NACC2: variants seen among roughly 807,000 people sequenced by gnomAD.
NACC2 encodes the protein nucleus accumbens-associated protein 2.
A neutral mutation model predicts 25.1 loss-of-function variants in NACC2; 8 were observed. That is an observed-to-expected ratio of 0.32 (90% CI 0.19 to 0.57). The LOEUF (loss-of-function observed/expected upper bound fraction) is 0.57. Among genes scored for constraint, NACC2 ranks in the 20% least tolerant of loss-of-function variants. The pLI is 0.89. For missense variants in NACC2, 644 were observed against 650.2 expected, an observed-to-expected ratio of 0.99 and a Z score of 0.10; for synonymous variants, 435 against 294.7, an observed-to-expected ratio of 1.48 and a Z score of -4.88.
chr9:136,061,225 G>A (rs1394515062), intron 1 of NACC2, among the ~76,000 whole-genome samples: 1 of 152,164 alleles, frequency 6.6e-6, no homozygotes, highest in African/African-American at 2.4e-5. Flanking sequence ...TGGTCGGGAG[G>A]GACAGGCCAG....
intron 1 of NACC2, among the ~76,000 whole-genome samples, chr9:136,093,974 G>A (rs1830459599): frequency 6.6e-6 from 1 of 152,260 alleles, no homozygotes; most frequent in African/African-American, 2.4e-5. Context: ...GAAAAGAGGG[G>A]TGGGTGAGAA....
intron 1 of NACC2, among the ~76,000 whole-genome samples, chr9:136,074,759 A>T (rs1427444675): frequency 6.6e-6 from 1 of 152,022 alleles, no homozygotes; most frequent in Non-Finnish European, 1.5e-5. Flanking sequence ...TGTGACTCCC[A>T]GAGGGCCCAT....
At chr9:136,033,648 CAAAAAAAAAAAA>C (rs558163152) in intron 2 of NACC2, among the ~76,000 whole-genome samples, 2 of 71,204 alleles carry the variant, frequency 2.8e-5, no homozygotes, top group South Asian at 5.8e-4. Flanking sequence ...GACTCTGTCT[CAAAAAAAAAAAA>C]AAAAAAAAGA....
At position 136,019,765 on chromosome 9, in the gene NACC2, G is replaced by C. The variant is rs1447346239; in HGVS notation, c.887-3336C>G. On this transcript the variant is annotated intron_variant, in intron 2 of 5. Coordinates refer to ENST00000277554, the MANE Select transcript of NACC2 (RefSeq NM_144653.5). This position sits in a 1 kb window ranked among gnomAD's most constrained non-coding sequence, Gnocchi z 5.2. The stretch of plus-strand genomic sequence containing the variant: ...AAGGACAAATGCTGCCCGGGGCGCG[G>C]GGTTGGGGCCTTCAGGGACCCAGAA... Among the ~76,000 whole-genome samples, 1 of 152,134 alleles carries C rather than the reference G, an allele frequency of 6.6e-6. No homozygotes were observed. Among genetic ancestry groups the C allele is most frequent in the Non-Finnish European group, 1.5e-5 (1 of 68,012 alleles).
At chr9:136,082,281 G>A (rs1441399006) in intron 1 of NACC2, among the ~76,000 whole-genome samples, 1 of 152,234 alleles carries the variant, frequency 6.6e-6, no homozygotes, top group South Asian at 2.1e-4. Flanking sequence ...GGAGCCTCAG[G>A]TCCCACACAG....
In NACC2 at chr9:136,016,445, C is replaced by T; in HGVS notation, c.887-16G>A. 6.2e-7 allele frequency: 1 copy of T among 1,610,554 alleles called. No individual in the cohort carries two copies. Among genetic ancestry groups the T allele is most frequent in the East Asian group, 2.2e-5 (1 of 44,882 alleles). ...TTCTCTTGCACTGTGGGCCCAGAACCAACCTGGTCAGATGGGCATCTGGGG... is the reference window on the plus strand; with the variant it reads ...TTCTCTTGCACTGTGGGCCCAGAACTAACCTGGTCAGATGGGCATCTGGGG... On this transcript the variant is annotated splice_polypyrimidine_tract_variant and intron_variant, in intron 2 of 5. Transcript: ENST00000277554.
At chr9:136,012,652 G>T (rs949580879) in intron 5 of NACC2, among the ~76,000 whole-genome samples, 3 of 133,132 alleles carry the variant, frequency 2.3e-5, no homozygotes, top group Non-Finnish European at 4.8e-5. Context: ...GCCTCACAAG[G>T]TTTTTTTTTT....
chr9:136,063,474 G>A (rs1841039302), intron 1 of NACC2, among the ~76,000 whole-genome samples: 1 of 152,218 alleles, frequency 6.6e-6, no homozygotes, highest in South Asian at 2.1e-4. Flanking sequence ...TTTGACCTGT[G>A]GCCGAGCCTG....
intron 1 of NACC2, among the ~76,000 whole-genome samples, chr9:136,074,857 C>T (rs1191107978): frequency 2.0e-5 from 3 of 152,176 alleles, no homozygotes; most frequent in Non-Finnish European, 2.9e-5. Flanking sequence ...CACAGAGCGG[C>T]AGGAAGCGTG....
rs1840145090 is a variant in NACC2 at position 136,013,437 on chromosome 9, C to T, written c.1158-141G>A. On this transcript the variant is annotated intron_variant, in intron 4 of 5. Coordinates refer to ENST00000277554, the MANE Select transcript of NACC2 (RefSeq NM_144653.5). The surrounding 1 kb of genome is among the most constrained non-coding windows in gnomAD (Gnocchi z 6.6). ...CTGCGTGTGTCCCAGTGGCAGGAGCCGGCCCAGCCACCCTCTAAGGGACAG... is the reference window on the plus strand; with the variant it reads ...CTGCGTGTGTCCCAGTGGCAGGAGCTGGCCCAGCCACCCTCTAAGGGACAG... 1.0e-5 allele frequency: 7 copies of T among 680,572 alleles called. No homozygotes were observed. Among genetic ancestry groups the T allele is most frequent in the East Asian group, 5.4e-5 (2 of 37,366 alleles). The allele number at this position is 680,572 out of a possible 1,614,324, so 42.2% of individuals were successfully genotyped here.
At chr9:136,043,014 A>G (rs1840667328) in intron 2 of NACC2, among the ~76,000 whole-genome samples, 1 of 152,070 alleles carries the variant, frequency 6.6e-6, no homozygotes, top group South Asian at 2.1e-4. Flanking sequence ...CCCATCCTGG[A>G]TAGGCAGGAA....
chr9:136,019,433 GCCT>G lies in NACC2; in HGVS notation c.887-3007_887-3005del, dbSNP rs1564218970. On this transcript the variant is annotated intron_variant, in intron 2 of 5. Coordinates refer to ENST00000277554, the MANE Select transcript of NACC2 (RefSeq NM_144653.5). The surrounding 1 kb of genome is among the most constrained non-coding windows in gnomAD (Gnocchi z 5.2). ...GGTCTCGGGTACTGGGGGACCCGTGGCCTCCTGTCACCCCAGGACTGGCCGCTG... is the reference window on the plus strand; with the variant it reads ...GGTCTCGGGTACTGGGGGACCCGTGGCCTGTCACCCCAGGACTGGCCGCTG... 6.6e-6 allele frequency: 1 copy of G among 152,168 alleles called. No homozygotes were observed. Among genetic ancestry groups the G allele is most frequent in the Admixed American group, 6.5e-5 (1 of 15,278 alleles). 9.4% of individuals were successfully genotyped at this position (152,168 alleles called of 1,614,324 possible).
chr9:136,051,004 C>G (rs998997857), intron 1 of NACC2, among the ~76,000 whole-genome samples: 1 of 152,290 alleles, frequency 6.6e-6, no homozygotes, highest in Non-Finnish European at 1.5e-5. Flanking sequence ...CAGGAGCTCC[C>G]GGGAGGGGCC....
At chr9:136,026,762 A>G (rs1383718747) in intron 2 of NACC2, among the ~76,000 whole-genome samples, 1 of 152,242 alleles carries the variant, frequency 6.6e-6, no homozygotes, top group Non-Finnish European at 1.5e-5. Context: ...ACAAACTTTT[A>G]ATAGGCATAT....
At chr9:136,015,871 G>C (rs1032300512) in intron 3 of NACC2, among the ~76,000 whole-genome samples, 1 of 152,228 alleles carries the variant, frequency 6.6e-6, no homozygotes, top group African/African-American at 2.4e-5. Context: ...ACTCGGACGT[G>C]TTTGTTCTGC....
intron 1 of NACC2, among the ~76,000 whole-genome samples, chr9:136,057,658 C>T (rs1840944760): frequency 6.6e-6 from 1 of 152,264 alleles, no homozygotes; most frequent in Non-Finnish European, 1.5e-5. Context: ...CCCCCTCCTC[C>T]CCCAGGGCTG....
At chr9:136,080,465 G>A (rs1029273913) in intron 1 of NACC2, among the ~76,000 whole-genome samples, 3 of 152,174 alleles carry the variant, frequency 2.0e-5, no homozygotes, top group South Asian at 2.1e-4. Flanking sequence ...CCAGCTACTC[G>A]GGAGGCTGAG....
chr9:136,080,660 G>A (rs1405136092), intron 1 of NACC2, among the ~76,000 whole-genome samples: 1 of 152,166 alleles, frequency 6.6e-6, no homozygotes, highest in Non-Finnish European at 1.5e-5. Flanking sequence ...GCCCAGGAAG[G>A]ACACTCCACG....
chr9:136,091,942 C>A (rs888174045), intron 1 of NACC2, among the ~76,000 whole-genome samples: 10 of 152,228 alleles, frequency 6.6e-5, no homozygotes, highest in Admixed American at 5.9e-4. Flanking sequence ...GCCTGGGTAA[C>A]CTCGCTCCCC....
Sources: gnomAD v4.1 joint callset for allele counts (sites outside exome capture counted in the v4.1 genomes callset) on GRCh38, gnomAD v4.1.1 for gene constraint, Gnocchi (gnomAD v3.1) non-coding constraint, MANE v1.5 for transcripts, NCBI Gene and HGNC (gene_info 2026-07-23, HGNC 2026-07-21) for gene names.